Variants in OR52A1 observed in about 807,000 individuals in gnomAD.
OR52A1 encodes the protein olfactory receptor family 52 subfamily A member 1.
A neutral mutation model predicts 14.3 loss-of-function variants in OR52A1; 14 were observed. The observed-to-expected ratio is 0.98, with a 90% confidence interval of 0.65 to 1.54. OR52A1 has a LOEUF of 1.54. OR52A1 is among the 40% of genes most tolerant of loss of function. The pLI is 0.00. For missense variants in OR52A1, 405 were observed against 381.3 expected (o/e 1.06, Z -0.52); for synonymous variants, 151 against 135.3 (o/e 1.12, Z -0.80).
Position 5,150,579 on chromosome 11 carries a change from G to A in OR52A1, c.*852C>T, listed in dbSNP as rs1846529216. On this transcript the variant is annotated 3_prime_UTR_variant, in exon 2 of 2. Transcript: ENST00000380367. ...CAATAAATGCAACTCCCCTGCTTTG[G>A]TTAGATTTCAATGCTTCATTCTCTC... The A allele has an allele frequency of 6.6e-6, 1 of 152,054 alleles. No homozygotes were observed. The highest frequency in any genetic ancestry group is 2.4e-5 in the African/African-American group (1 of 41,402). The allele number at this position is 152,054 out of a possible 1,614,324, so 9.4% of individuals were successfully genotyped here.
chr11:5,147,464 A>G lies in OR52A1; in HGVS notation c.*3967T>C, dbSNP rs757889282. On this transcript the variant is annotated 3_prime_UTR_variant, in exon 2 of 2. Transcript: ENST00000380367. ...TAGAACAAAAGACTGACTTGCCCCA[A>G]TCAAGAGAGAATTCTGCCAGGAGAC... 5 of 152,142 alleles carry G rather than the reference A, an allele frequency of 3.3e-5. No individual in the cohort carries two copies. Among genetic ancestry groups the G allele is most frequent in the Admixed American group, 1.3e-4 (2 of 15,258 alleles). 9.4% of individuals were successfully genotyped at this position (152,142 alleles called of 1,614,324 possible). A position where few individuals can be genotyped will look rare whatever the true frequency, so the allele number is the denominator to read the frequency against.
chr11:5,151,669 T>C lies in OR52A1; in HGVS notation c.701A>G (p.Lys234Arg), dbSNP rs779148127. Reference sequence around the variant, plus strand: ...ATTGAATGCTTTAAACCTAGCCTCCTTCTGGGGCAAACGAAAAACTGTGAT... The same window carrying C: ...ATTGAATGCTTTAAACCTAGCCTCCCTCTGGGGCAAACGAAAAACTGTGAT... ...IFITVFRLPQ[K>R]EARFKAFNTC... The change falls in exon 2 of 2, where the codon AAG becomes AGG. Residue 234 changes from lysine (K) to arginine (R), a missense_variant. Physicochemically the swap from Lys to Arg is conservative, Grantham distance 26. Coordinates refer to ENST00000380367, the MANE Select transcript of OR52A1 (RefSeq NM_012375.3). 3 of 1,614,040 alleles carry C rather than the reference T, an allele frequency of 1.9e-6. No homozygotes were observed. In the African/African-American group the frequency reaches 4.0e-5, roughly 22 times the overall value.
At position 5,149,461 on chromosome 11, in the gene OR52A1, G is replaced by T. The variant is rs916728843; in HGVS notation, c.*1970C>A. On this transcript the variant is annotated 3_prime_UTR_variant, in exon 2 of 2. Coordinates refer to ENST00000380367, the MANE Select transcript of OR52A1 (RefSeq NM_012375.3). ...AATATTTGTAATCAATTTGGTGATG[G>T]GGAAACTCTAACTTTCAGCTACACT... 1 of 151,790 alleles carries T rather than the reference G, an allele frequency of 6.6e-6. No homozygotes were observed. Among genetic ancestry groups the T allele is most frequent in the Admixed American group, 6.6e-5 (1 of 15,244 alleles). The allele number at this position is 151,790 out of a possible 1,614,324, so 9.4% of individuals were successfully genotyped here.
intron 1 of OR52A1, among the ~76,000 whole-genome samples, chr11:5,153,972 A>T (rs529786246): frequency 6.6e-6 from 1 of 152,156 alleles, no homozygotes; most frequent in East Asian, 1.9e-4. Flanking sequence ...AGCAGAGGAC[A>T]TTTCATGACA....
At position 5,151,615 on chromosome 11, in the gene OR52A1, A is replaced by C. The variant is rs1399860106; in HGVS notation, c.755T>G (p.Leu252Arg). 1.2e-6 allele frequency: 2 copies of C among 1,614,154 alleles called. No individual in the cohort carries two copies. The highest frequency in any genetic ancestry group is 2.2e-5 in the South Asian group (2 of 91,074). ...GAAGAAGGCAAGGAGGTAGAACTGG[A>C]GGAAGACACAGATGTGAGCAATGCA... Reference protein sequence around the residue: ...NTCIAHICVFLQFYLLAFFSF... With the variant: ...NTCIAHICVFRQFYLLAFFSF... Residue 252 changes from leucine (L) to arginine (R), a missense_variant, in exon 2 of 2, where the codon CTC (leucine) becomes CGC (arginine). Transcript: ENST00000380367.
At chr11:5,154,294 G>T (rs926080440) in intron 1 of OR52A1, among the ~76,000 whole-genome samples, 153 bp downstream of exon 1, 8 of 152,174 alleles carry the variant, frequency 5.3e-5, no homozygotes, top group Non-Finnish European at 1.0e-4. Context: ...TGGATAGAGT[G>T]ATTGTTATTG....
chr11:5,152,395 A>C lies in OR52A1; in HGVS notation c.-26T>G. On this transcript the variant is annotated 5_prime_UTR_variant, in exon 2 of 2. Coordinates refer to ENST00000380367, the MANE Select transcript of OR52A1 (RefSeq NM_012375.3). The stretch of plus-strand genomic sequence containing the variant: ...AGTGTCGTTGGGTCTCCTGATGCAA[A>C]CAAAAGAAGTTTCTCAGTCAGTGTT... 6.6e-7 allele frequency: 1 copy of C among 1,515,236 alleles called. No individual in the cohort carries two copies. The highest frequency in any genetic ancestry group is 9.0e-7 in the Non-Finnish European group (1 of 1,114,726). 93.9% of individuals were successfully genotyped at this position (1,515,236 alleles called of 1,614,324 possible).
Position 5,152,642 on chromosome 11 carries a change from C to T in OR52A1, c.-273G>A, listed in dbSNP as rs768246844. ...AAATACATTAGAACCAGCAAAATCA[C>T]CTGGACAGGGGATTGGACTACTGGC... On this transcript the variant is annotated 5_prime_UTR_variant, in exon 2 of 2. The change creates a new upstream start codon in the 5' untranslated region. Transcript: ENST00000380367. The T allele has an allele frequency of 4.1e-5, 14 of 343,214 alleles. No individual in the cohort carries two copies. Among genetic ancestry groups the T allele is most frequent in the Non-Finnish European group, 4.5e-5 (8 of 178,780 alleles). 21.3% of individuals were successfully genotyped at this position (343,214 alleles called of 1,614,324 possible).
Position 5,151,462 on chromosome 11 carries a change from C to T in OR52A1, c.908G>A (p.Arg303His), listed in dbSNP as rs371802271. ...ACAGAACATTTTTACCACATGAATGCGAATCTGTGTGGTCTTTGCACCATA... is the reference window on the plus strand; with the variant it reads ...ACAGAACATTTTTACCACATGAATGTGAATCTGTGTGGTCTTTGCACCATA... ...LVYGAKTTQI[R>H]IHVVKMFCS The change falls in exon 2 of 2, where the codon CGC becomes CAC. Residue 303 changes from arginine to histidine, a missense_variant. By Grantham distance (29) the Arg-to-His change is conservative. Transcript: ENST00000380367. The T allele has an allele frequency of 6.2e-6, 10 of 1,611,122 alleles. No individual in the cohort carries two copies. The highest frequency in any genetic ancestry group is 2.2e-5 in the East Asian group (1 of 44,878).
At position 5,152,250 on chromosome 11, in the gene OR52A1, A is replaced by T; in HGVS notation, c.120T>A (p.Ala40=). 1.2e-6 allele frequency: 2 copies of T among 1,614,134 alleles called. No homozygotes were observed. The highest frequency in any genetic ancestry group is 1.7e-6 in the Non-Finnish European group (2 of 1,179,990). ...TCAGAAGCAAGGAATTTCCAATCAT[A>T]GCAATGAGATAAATGGCACAGAATG... is the stretch of plus-strand genomic sequence containing the variant. ...GIPFCAIYLI[A]MIGNSLLLSI... is the part of the protein sequence containing the mutation. The change falls in exon 2 of 2, where the codon GCT becomes GCA. Residue 40 remains alanine, a synonymous_variant. Transcript: ENST00000380367.
At position 5,147,826 on chromosome 11, in the gene OR52A1, T is replaced by A. The variant is rs1347560351; in HGVS notation, c.*3605A>T. 2 of 151,360 alleles carry A rather than the reference T, an allele frequency of 1.3e-5. No individual in the cohort carries two copies. The highest frequency in any genetic ancestry group is 2.9e-5 in the Non-Finnish European group (2 of 67,868). 9.4% of individuals were successfully genotyped at this position (151,360 alleles called of 1,614,324 possible). A position where few individuals can be genotyped will look rare whatever the true frequency, so the allele number is the denominator to read the frequency against. ...TTTTTTTTCGGAGACAGAGTCTTGCTCTGTCGCCCAGGCTGGAGTGCAGTG... is the reference window on the plus strand; with the variant it reads ...TTTTTTTTCGGAGACAGAGTCTTGCACTGTCGCCCAGGCTGGAGTGCAGTG... On this transcript the variant is annotated 3_prime_UTR_variant, in exon 2 of 2. Coordinates refer to ENST00000380367, the MANE Select transcript of OR52A1 (RefSeq NM_012375.3).
In OR52A1 at chr11:5,152,026, C is replaced by T. The variant is rs1206970558; in HGVS notation, c.344G>A (p.Gly115Asp). The T allele has an allele frequency of 1.2e-6, 2 of 1,614,014 alleles. No homozygotes were observed. The highest frequency in any genetic ancestry group is 1.7e-6 in the Non-Finnish European group (2 of 1,179,976). Residue 115 changes from glycine to aspartate, a missense_variant, in exon 2 of 2, where the codon GGC (glycine) becomes GAC (aspartate). Physicochemically the swap from Gly to Asp is moderately conservative, Grantham distance 94. Coordinates refer to ENST00000380367, the MANE Select transcript of OR52A1 (RefSeq NM_012375.3). ...FIHTLQGIES[G>D]ILVAMALDRY... is the part of the protein sequence containing the mutation. ...GTCCAGGGCCATGGCCACAAGGATG[C>T]CTGACTCTATACCCTGCAATGTGTG...
In OR52A1 at chr11:5,147,275, T is replaced by C. The variant is rs1002139286; in HGVS notation, c.*4156A>G. 6.6e-6 allele frequency: 1 copy of C among 152,222 alleles called. No individual in the cohort carries two copies. Among genetic ancestry groups the C allele is most frequent in the Non-Finnish European group, 1.5e-5 (1 of 68,052 alleles). The allele number at this position is 152,222 out of a possible 1,614,324, so 9.4% of individuals were successfully genotyped here. ...TTGGTTTTTTCACACTGAATAGTTG[T>C]ATGTGTCAATTTGATTGGGGCACAA... is the stretch of plus-strand genomic sequence containing the variant. On this transcript the variant is annotated 3_prime_UTR_variant, in exon 2 of 2. Coordinates refer to ENST00000380367, the MANE Select transcript of OR52A1 (RefSeq NM_012375.3).
Position 5,152,416 on chromosome 11 carries a change from G to C in OR52A1, c.-47C>G, listed in dbSNP as rs898666148. ...GCAAACAAAAGAAGTTTCTCAGTCA[G>C]TGTTACTGTTCCTCTTCTGCTTTCT... On this transcript the variant is annotated 5_prime_UTR_variant, in exon 2 of 2. Transcript: ENST00000380367. 7.4e-7 allele frequency: 1 copy of C among 1,342,358 alleles called. No homozygotes were observed. Among genetic ancestry groups the C allele is most frequent in the Non-Finnish European group, 1.0e-6 (1 of 969,330 alleles). 83.2% of individuals were successfully genotyped at this position (1,342,358 alleles called of 1,614,324 possible).
intron 1 of OR52A1, among the ~76,000 whole-genome samples, chr11:5,153,819 CTTTT>C (rs58039145): frequency 3.3e-4 from 39 of 118,950 alleles, no homozygotes; most frequent in Middle Eastern, 9.2e-3. Context: ...GAAAAAGCAG[CTTTT>C]TTTTTTTTTT....
rs1846545127 is a variant in OR52A1 at position 5,151,730 on chromosome 11, G to A, written c.640C>T (p.Leu214Phe). ...ATGTAGGACAATGTGATGAATGTGAGGTCAAATCCTGCTACAGTGAAGGCC... is the reference window on the plus strand; with the variant it reads ...ATGTAGGACAATGTGATGAATGTGAAGTCAAATCCTGCTACAGTGAAGGCC... ...FVAFTVAGFD[L>F]TFITLSYIQI... The change falls in exon 2 of 2, where the codon CTC becomes TTC. Residue 214 changes from leucine to phenylalanine, a missense_variant. By Grantham distance (22) the Leu-to-Phe change is conservative. Transcript: ENST00000380367. 1 of 1,614,044 alleles carries A rather than the reference G, an allele frequency of 6.2e-7. No homozygotes were observed.
At position 5,151,557 on chromosome 11, in the gene OR52A1, G is replaced by A. The variant is rs1296465756; in HGVS notation, c.813C>T (p.Ile271=). ...AAAAGAGAATATGGATATAAGGGGA[G>A]ATGTGAGACCCAAACCTATGTGTGA... The part of the protein sequence containing the change: ...SFFTHRFGSH[I]SPYIHILFSS... The change falls in exon 2 of 2, where the codon ATC becomes ATT. Residue 271 remains isoleucine, a synonymous_variant. Coordinates refer to ENST00000380367, the MANE Select transcript of OR52A1 (RefSeq NM_012375.3). 8 of 1,606,328 alleles carry A rather than the reference G, an allele frequency of 5.0e-6. No individual in the cohort carries two copies. Among genetic ancestry groups the A allele is most frequent in the South Asian group, 4.4e-5 (4 of 90,568 alleles).
In OR52A1 at chr11:5,147,327, C is replaced by T. The variant is rs2133532562; in HGVS notation, c.*4104G>A. On this transcript the variant is annotated 3_prime_UTR_variant, in exon 2 of 2. Coordinates refer to ENST00000380367, the MANE Select transcript of OR52A1 (RefSeq NM_012375.3). ...GCCCAGATTCTGGTCAGATATTATT[C>T]TGGATGTTTCTGTGTGGGTATTTCT... 6.6e-6 allele frequency: 1 copy of T among 152,270 alleles called. No individual in the cohort carries two copies. Among genetic ancestry groups the T allele is most frequent in the Admixed American group, 6.5e-5 (1 of 15,296 alleles). 9.4% of individuals were successfully genotyped at this position (152,270 alleles called of 1,614,324 possible).
rs745446634 is a variant in OR52A1, at chr11:5,152,000, G to T, written c.370C>A (p.Arg124Ser). The change falls in exon 2 of 2, where the codon CGT becomes AGT. Residue 124 changes from arginine to serine, a missense_variant. By Grantham distance (110) the Arg-to-Ser change is moderately radical (BLOSUM62 -1). Transcript: ENST00000380367. ...AGTGGATAACAGATGGCCACATAAC[G>T]GTCCAGGGCCATGGCCACAAGGATG... is the stretch of plus-strand genomic sequence containing the variant. ...SGILVAMALDRYVAICYPLRH... is the reference protein window; with the variant it reads ...SGILVAMALDSYVAICYPLRH... 6.2e-7 allele frequency: 1 copy of T among 1,614,036 alleles called. No homozygotes were observed. The highest frequency in any genetic ancestry group is 8.5e-7 in the Non-Finnish European group (1 of 1,179,992).
Sources: gnomAD v4.1 joint callset for allele counts (sites outside exome capture counted in the v4.1 genomes callset) on GRCh38, gnomAD v4.1.1 for gene constraint, MANE v1.5 for transcripts, NCBI Gene and HGNC (gene_info 2026-07-23, HGNC 2026-07-21) for gene names.